Variants in GNAT3 observed in about 807,000 individuals in gnomAD.
GNAT3 encodes the protein guanine nucleotide-binding protein G(t) subunit alpha-3.
In GNAT3, 31 loss-of-function variants were observed where a neutral mutation model predicts 37.7. That is an observed-to-expected ratio of 0.82 (90% CI 0.62 to 1.11). The LOEUF is 1.11. Ranked by LOEUF, GNAT3 falls within the 50% of genes most tolerant of loss-of-function variation. The pLI is 0.00. For missense variants in GNAT3, 437 were observed against 412.5 expected (o/e 1.06, Z -0.51); for synonymous variants, 138 against 139.8 (o/e 0.99, Z 0.09).
rs1790065153 is a variant in GNAT3 at position 80,462,381 on chromosome 7, A to C, written c.721-69T>G. 3.8e-6 allele frequency: 6 copies of C among 1,559,530 alleles called. No individual in the cohort carries two copies. The Admixed American group carries it at 8.6e-5, about 22-fold the overall frequency. ...AAAATGTGAATGTTGAGCATCATGAACAAGGATCTAGAACTAACATAAATC... is the reference window on the plus strand; with the variant it reads ...AAAATGTGAATGTTGAGCATCATGACCAAGGATCTAGAACTAACATAAATC... On this transcript the variant is annotated intron_variant, in intron 6 of 7. Coordinates refer to ENST00000398291, the MANE Select transcript of GNAT3 (RefSeq NM_001102386.3).
chr7:80,496,211 A>G (rs1477255024), intron 1 of GNAT3, among the ~76,000 whole-genome samples: 2 of 152,058 alleles, frequency 1.3e-5, no homozygotes, highest in African/African-American at 2.4e-5. Context: ...GCTCACTGCA[A>G]CCTTTGCCTC....
intron 1 of GNAT3, among the ~76,000 whole-genome samples, chr7:80,499,671 T>C (rs1790797397): frequency 1.3e-5 from 2 of 152,224 alleles, no homozygotes; most frequent in Non-Finnish European, 2.9e-5. Flanking sequence ...TTTTGTTCCA[T>C]GTATTATTTC....
At chr7:80,502,893 C>T (rs1790862471) in intron 1 of GNAT3, among the ~76,000 whole-genome samples, 1 of 152,078 alleles carries the variant, frequency 6.6e-6, no homozygotes, top group Non-Finnish European at 1.5e-5. Flanking sequence ...ACTTTGTCTC[C>T]TAACATTCCT....
chr7:80,488,734 C>T (rs1377170917), intron 2 of GNAT3, 58 bp from the exon 3 acceptor site: 5 of 1,271,090 alleles, frequency 3.9e-6, no homozygotes, highest in Non-Finnish European at 5.5e-6. Context: ...AACACTAAAG[C>T]ACATCCAACT....
chr7:80,482,919 A>C (rs910217400), intron 3 of GNAT3, among the ~76,000 whole-genome samples: 3 of 152,000 alleles, frequency 2.0e-5, no homozygotes, highest in African/African-American at 7.2e-5. Context: ...AAACACTTCA[A>C]TGTTACAAAG....
chr7:80,495,658 C>T (rs543782826), intron 1 of GNAT3, among the ~76,000 whole-genome samples: 2 of 151,870 alleles, frequency 1.3e-5, no homozygotes, highest in South Asian at 2.1e-4. Flanking sequence ...TTAGTAGAGA[C>T]GGGTTTTACT....
At chr7:80,495,636 A>AT (rs1216428425) in intron 1 of GNAT3, among the ~76,000 whole-genome samples, 2 of 151,726 alleles carry the variant, frequency 1.3e-5, no homozygotes, top group African/African-American at 4.8e-5. Flanking sequence ...TGCCTGGCTA[A>AT]TTTTTTGTAG....
chr7:80,492,985 T>C (rs1790621990), intron 2 of GNAT3, among the ~76,000 whole-genome samples: 1 of 152,200 alleles, frequency 6.6e-6, no homozygotes, highest in African/African-American at 2.4e-5. Flanking sequence ...TCCCCATTTA[T>C]GTATATTGGG....
intron 1 of GNAT3, among the ~76,000 whole-genome samples, chr7:80,501,846 GACT>G (rs1421977860): frequency 6.6e-6 from 1 of 151,758 alleles, no homozygotes; most frequent in African/African-American, 2.4e-5. Flanking sequence ...ATACTTATAT[GACT>G]ACAAGTACCT....
Position 80,462,498 on chromosome 7 carries a change from T to C in GNAT3, c.720+4A>G. On this transcript the variant is annotated splice_donor_region_variant and intron_variant, in intron 6 of 7. Coordinates refer to ENST00000398291, the MANE Select transcript of GNAT3 (RefSeq NM_001102386.3). ...CCCTGGCTTTGTTTTTCCTTTAGAC[T>C]TACCACTTCTTCGTCTTCCACGAGG... The C allele has an allele frequency of 6.2e-7, 1 of 1,612,858 alleles. No homozygotes were observed. The highest frequency in any genetic ancestry group is 8.5e-7 in the Non-Finnish European group (1 of 1,179,514).
At chr7:80,489,036 C>T (rs1366665863) in intron 2 of GNAT3, among the ~76,000 whole-genome samples, 1 of 151,994 alleles carries the variant, frequency 6.6e-6, no homozygotes, top group Admixed American at 6.6e-5. Context: ...TGAAACTTGA[C>T]CTTGTGTTTA....
Position 80,497,615 on chromosome 7 carries a change from CATATA to C in GNAT3, c.119-2973_119-2969del, listed in dbSNP as rs1790751484. Reference sequence around the variant, plus strand: ...ATACGTATATACATATACGTATATACATATACGTATATACATATACGTATATACAT... The same window carrying C: ...ATACGTATATACATATACGTATATACCGTATATACATATACGTATATACAT... On this transcript the variant is annotated intron_variant, in intron 1 of 7. Transcript: ENST00000398291. 2.6e-5 allele frequency among the ~76,000 whole-genome samples: 3 copies of C among 117,130 alleles called. 1 individual carries two copies. The highest frequency in any genetic ancestry group is 5.1e-5 in the Non-Finnish European group (3 of 59,140). The allele number at this position is 117,130 out of a possible 152,430, so 76.8% of individuals were successfully genotyped here. A position where few individuals can be genotyped will look rare whatever the true frequency, so the allele number is the denominator to read the frequency against.
At chr7:80,500,610 T>C (rs1003238069) in intron 1 of GNAT3, among the ~76,000 whole-genome samples, 6 of 152,082 alleles carry the variant, frequency 3.9e-5, no homozygotes, top group Non-Finnish European at 7.4e-5. Flanking sequence ...GTTCACTATC[T>C]CTAGTGAACA....
intron 7 of GNAT3, among the ~76,000 whole-genome samples, chr7:80,461,225 T>A (rs1790043604): frequency 6.6e-6 from 1 of 152,060 alleles, no homozygotes; most frequent in Non-Finnish European, 1.5e-5. Flanking sequence ...CGCACCTAAG[T>A]GGTAAAACTG....
rs2074674 is a variant in GNAT3, at chr7:80,458,725, G to C, written c.1011C>G (p.Asp337Glu). ...CTTTGATTATTATATCTGTAACTGC[G>C]TCAAACACAAACTTGACATTTTGGG... ...TDTQNVKFVF[D>E]AVTDIIIKEN... The change falls in exon 8 of 8, where the codon GAC (aspartate) becomes GAG (glutamate). Residue 337 changes from aspartate (D) to glutamate (E), a missense_variant. By Grantham distance (45) the Asp-to-Glu change is conservative. Coordinates refer to ENST00000398291, the MANE Select transcript of GNAT3 (RefSeq NM_001102386.3). 6.3e-7 allele frequency: 1 copy of C among 1,594,458 alleles called. No homozygotes were observed. The highest frequency in any genetic ancestry group is 1.7e-5 in the Admixed American group (1 of 57,424).
At chr7:80,507,732 C>G (rs535798725) in intron 1 of GNAT3, among the ~76,000 whole-genome samples, 74 of 152,082 alleles carry the variant, frequency 4.9e-4, no homozygotes, top group African/African-American at 1.7e-3. Context: ...ACCTATTTAT[C>G]TAATTCTGCT....
At chr7:80,510,068 A>C (rs1011383426) in intron 1 of GNAT3, among the ~76,000 whole-genome samples, 2 of 152,106 alleles carry the variant, frequency 1.3e-5, no homozygotes, top group Non-Finnish European at 2.9e-5. Context: ...AGATCTCTTG[A>C]AATTTATTCT....
In GNAT3 at chr7:80,462,556, T is replaced by C; in HGVS notation, c.666A>G (p.Ile222Met). 6.2e-7 allele frequency: 1 copy of C among 1,613,468 alleles called. No individual in the cohort carries two copies. Among genetic ancestry groups the C allele is most frequent in the Non-Finnish European group, 8.5e-7 (1 of 1,179,448 alleles). ...IHCFEGVTCI[I>M]FCAALSAYDM... ...CATAGGCACTAAGTGCAGCACAAAATATAATGCATGTAACTCCTTCAAAGC... is the reference window on the plus strand; with the variant it reads ...CATAGGCACTAAGTGCAGCACAAAACATAATGCATGTAACTCCTTCAAAGC... Residue 222 changes from isoleucine (I) to methionine (M), a missense_variant, in exon 6 of 8, where the codon ATA (isoleucine) becomes ATG (methionine). Transcript: ENST00000398291.
chr7:80,460,581 C>A (rs1168418735), intron 7 of GNAT3, among the ~76,000 whole-genome samples: 2 of 152,104 alleles, frequency 1.3e-5, no homozygotes, highest in East Asian at 3.9e-4. Context: ...AATCCCGTCT[C>A]TACTAAAAGT....
Sources: gnomAD v4.1 joint callset for allele counts (sites outside exome capture counted in the v4.1 genomes callset) on GRCh38, gnomAD v4.1.1 for gene constraint, MANE v1.5 for transcripts, NCBI Gene and HGNC (gene_info 2026-07-23, HGNC 2026-07-21) for gene names.